The following NET1 variants were observed in gnomAD, a reference collection of about 807,000 sequenced individuals.
NET1 encodes neuroepithelial cell-transforming gene 1 protein.
Under a neutral mutation model 61.1 loss-of-function variants are expected in NET1, and 42 were observed. The observed-to-expected ratio is 0.69, with a 90% CI of 0.54 to 0.89. NET1 has a LOEUF of 0.89. NET1 is among the 40% of genes least tolerant of loss of function. The probability of loss-of-function intolerance (pLI) is 0.00; values close to 1 mark genes in which losing one functional copy is unlikely to be tolerated. For synonymous variants in NET1, 254 were observed against 281.8 expected, an observed-to-expected ratio of 0.90 and a Z score of 0.99; for missense variants, 654 against 747.3, an observed-to-expected ratio of 0.88 and a Z score of 1.46.
chr10:5,427,448 C>T lies in NET1; in HGVS notation c.195+727C>T, dbSNP rs1832275163. On this transcript the variant is annotated intron_variant, in intron 2 of 11. Transcript: ENST00000355029. The surrounding 1 kb of genome is among the most constrained non-coding windows in gnomAD (Gnocchi z 4.1). The stretch of plus-strand genomic sequence containing the variant: ...ACTTCTTCTCCTTCTCCATATTAGT[C>T]CATTCCCAGGCTCTGCTCTAACCAT... Among the ~76,000 whole-genome samples, 1 of 152,124 alleles carries T rather than the reference C, an allele frequency of 6.6e-6. No individual in the cohort carries two copies. The highest frequency in any genetic ancestry group is 1.9e-4 in the East Asian group (1 of 5,202).
At chr10:5,413,144 C>G (rs537141002) in intron 1 of NET1, among the ~76,000 whole-genome samples, 9 of 152,118 alleles carry the variant, frequency 5.9e-5, no homozygotes, top group African/African-American at 1.9e-4. Context: ...GCGATTTTCC[C>G]TGCCTGTGGC....
chr10:5,426,591 T>G lies in NET1; in HGVS notation c.129-64T>G. On this transcript the variant is annotated intron_variant, in intron 1 of 11. Coordinates refer to ENST00000355029, the MANE Select transcript of NET1 (RefSeq NM_001047160.3). This position sits in a 1 kb window ranked among gnomAD's most constrained non-coding sequence, Gnocchi z 4.6. Reference sequence around the variant, plus strand: ...AGTATGAAAAGTATAGCTTTTTATCTGTTTGATGCTCTATTATGCTAAAGT... The same window carrying G: ...AGTATGAAAAGTATAGCTTTTTATCGGTTTGATGCTCTATTATGCTAAAGT... 2 of 1,258,628 alleles carry G rather than the reference T, an allele frequency of 1.6e-6. No homozygotes were observed. Among genetic ancestry groups the G allele is most frequent in the East Asian group, 2.4e-5 (1 of 42,158 alleles). The allele number at this position is 1,258,628 out of a possible 1,614,324, so 78.0% of individuals were successfully genotyped here. A position where few individuals can be genotyped will look rare whatever the true frequency, so the allele number is the denominator to read the frequency against.
Position 5,440,842 on chromosome 10 carries a change from T to C in NET1, c.256-10988T>C, listed in dbSNP as rs568827521. On this transcript the variant is annotated intron_variant, in intron 3 of 11. Coordinates refer to ENST00000355029, the MANE Select transcript of NET1 (RefSeq NM_001047160.3). This position sits in a 1 kb window ranked among gnomAD's most constrained non-coding sequence, Gnocchi z 4.1. ...CTACTCTGTGTCTCATCCCTATTCA[T>C]ACCTGTAGTCCTTATCACCATTTTA... 2.6e-5 allele frequency among the ~76,000 whole-genome samples: 4 copies of C among 152,342 alleles called. No homozygotes were observed. Among genetic ancestry groups the C allele is most frequent in the African/African-American group, 4.8e-5 (2 of 41,582 alleles).
rs866219880 is a variant in NET1 at position 5,440,979 on chromosome 10, G to A, written c.256-10851G>A. Among the ~76,000 whole-genome samples, 1 of 152,152 alleles carries A rather than the reference G, an allele frequency of 6.6e-6. No homozygotes were observed. The highest frequency in any genetic ancestry group is 1.5e-5 in the Non-Finnish European group (1 of 68,030). ...CCCTCCAGAAATCAGAGCCTAAAAC[G>A]AGGACTCATTGACAGGTGTCTTTCT... On this transcript the variant is annotated intron_variant, in intron 3 of 11. Transcript: ENST00000355029. This position sits in a 1 kb window ranked among gnomAD's most constrained non-coding sequence, Gnocchi z 4.1.
Position 5,427,959 on chromosome 10 carries a change from GTTGT to G in NET1, c.196-1208_196-1205del, listed in dbSNP as rs1159306365. Among the ~76,000 whole-genome samples, 3 of 149,444 alleles carry G rather than the reference GTTGT, an allele frequency of 2.0e-5. No homozygotes were observed. The highest frequency in any genetic ancestry group is 4.4e-5 in the Non-Finnish European group (3 of 67,638). ...TTCTGACTTCACAACCCTCCTTCGT[GTTGT>G]TTTTTATGGTAGCTTGCTTTCTGAG... On this transcript the variant is annotated intron_variant, in intron 2 of 11. Coordinates refer to ENST00000355029, the MANE Select transcript of NET1 (RefSeq NM_001047160.3). This position sits in a 1 kb window ranked among gnomAD's most constrained non-coding sequence, Gnocchi z 4.1.
chr10:5,456,491 A>G lies in NET1; in HGVS notation c.1385-97A>G, dbSNP rs1194778544. The G allele has an allele frequency of 2.6e-5, 33 of 1,252,186 alleles. No individual in the cohort carries two copies. Among genetic ancestry groups the G allele is most frequent in the Non-Finnish European group, 3.3e-5 (30 of 905,206 alleles). 77.6% of individuals were successfully genotyped at this position (1,252,186 alleles called of 1,614,324 possible). A position where few individuals can be genotyped will look rare whatever the true frequency, so the allele number is the denominator to read the frequency against. On this transcript the variant is annotated intron_variant, in intron 11 of 11. Transcript: ENST00000355029. This position sits in a 1 kb window ranked among gnomAD's most constrained non-coding sequence, Gnocchi z 7.0. Reference sequence around the variant, plus strand: ...TTCACATTGACATAAATAAATTGCCATAAATTGACAGTCACGTTAAGATTG... The same window carrying G: ...TTCACATTGACATAAATAAATTGCCGTAAATTGACAGTCACGTTAAGATTG...
intron 3 of NET1, among the ~76,000 whole-genome samples, chr10:5,433,695 TTCAGGTCA>T (rs1336737080): frequency 6.6e-6 from 1 of 152,210 alleles, no homozygotes; most frequent in African/African-American, 2.4e-5. Flanking sequence ...AATGTGTAGT[TTCAGGTCA>T]TCTTTTGTTT....
At chr10:5,442,460 C>G (rs1832536081) in intron 3 of NET1, among the ~76,000 whole-genome samples, 1 of 152,174 alleles carries the variant, frequency 6.6e-6, no homozygotes, top group Non-Finnish European at 1.5e-5. Context: ...ACCTAACACT[C>G]CTTTTCTATA....
In NET1 at chr10:5,416,432, A is replaced by C. The variant is rs80057200; in HGVS notation, c.128+3612A>C. ...GAATCAGCTTAATCGATTTTTACAA[A>C]GGAGTCCACAGGGATTCTGATAGAG... On this transcript the variant is annotated intron_variant, in intron 1 of 11. Transcript: ENST00000355029. This position sits in a 1 kb window ranked among gnomAD's most constrained non-coding sequence, Gnocchi z 6.1. Among the ~76,000 whole-genome samples the C allele has an allele frequency of 0.025, 3,776 of 152,314 alleles. 142 individuals carry two copies. The highest frequency in any genetic ancestry group is 0.1 in the East Asian group (528 of 5,186).
Position 5,446,912 on chromosome 10 carries a change from G to A in NET1, c.256-4918G>A, listed in dbSNP as rs916766420. On this transcript the variant is annotated intron_variant, in intron 3 of 11. Transcript: ENST00000355029. The surrounding 1 kb of genome is among the most constrained non-coding windows in gnomAD (Gnocchi z 5.0). ...AAGGAATGTTTTCTAACTCCACGGA[G>A]CTTTTAAAATTTTTAACAAGGTATT... 4.0e-6 allele frequency: 6 copies of A among 1,490,030 alleles called. No homozygotes were observed. Among genetic ancestry groups the A allele is most frequent in the Non-Finnish European group, 5.5e-6 (6 of 1,090,812 alleles). 92.3% of individuals were successfully genotyped at this position (1,490,030 alleles called of 1,614,324 possible).
rs116753196 is a variant in NET1, at chr10:5,449,970, G to C, written c.256-1860G>C. ...GTGAAATGTCGGCATTTCTTACTCT[G>C]TGAGGTAATTCTATCTTCAGTCCAA... On this transcript the variant is annotated intron_variant, in intron 3 of 11. Coordinates refer to ENST00000355029, the MANE Select transcript of NET1 (RefSeq NM_001047160.3). The surrounding 1 kb of genome is among the most constrained non-coding windows in gnomAD (Gnocchi z 4.4). 5.6e-4 allele frequency among the ~76,000 whole-genome samples: 85 copies of C among 152,270 alleles called. No individual in the cohort carries two copies. Among genetic ancestry groups the C allele is most frequent in the African/African-American group, 2.0e-3 (82 of 41,546 alleles).
In NET1 at chr10:5,455,332, C is replaced by T. The variant is rs906731699; in HGVS notation, c.1197+214C>T. Among the ~76,000 whole-genome samples the T allele has an allele frequency of 2.0e-5, 3 of 151,984 alleles. No homozygotes were observed. The highest frequency in any genetic ancestry group is 4.4e-5 in the Non-Finnish European group (3 of 67,976). On this transcript the variant is annotated intron_variant, in intron 10 of 11. Coordinates refer to ENST00000355029, the MANE Select transcript of NET1 (RefSeq NM_001047160.3). This position sits in a 1 kb window ranked among gnomAD's most constrained non-coding sequence, Gnocchi z 6.5. ...TCAGTAATACTTTATTTTTTAGTTT[C>T]GAAGCATAAATCAACTTGTTAGGCC...
chr10:5,454,620 G>T lies in NET1; in HGVS notation c.1026+98G>T. ...GAAGATGCTGATTCACATCAGCATA[G>T]TGAATTGTTTTGTTGTTTTAAGTAC... is the stretch of plus-strand genomic sequence containing the variant. On this transcript the variant is annotated intron_variant, in intron 9 of 11. Transcript: ENST00000355029. This position sits in a 1 kb window ranked among gnomAD's most constrained non-coding sequence, Gnocchi z 8.1. 1 of 1,389,466 alleles carries T rather than the reference G, an allele frequency of 7.2e-7. No homozygotes were observed. The highest frequency in any genetic ancestry group is 9.8e-7 in the Non-Finnish European group (1 of 1,020,996). The allele number at this position is 1,389,466 out of a possible 1,614,324, so 86.1% of individuals were successfully genotyped here.
chr10:5,443,347 G>A lies in NET1; in HGVS notation c.256-8483G>A, dbSNP rs1230405128. Among the ~76,000 whole-genome samples, 3 of 152,190 alleles carry A rather than the reference G, an allele frequency of 2.0e-5. No individual in the cohort carries two copies. The highest frequency in any genetic ancestry group is 4.4e-5 in the Non-Finnish European group (3 of 68,034). The stretch of plus-strand genomic sequence containing the variant: ...TTCATAGAGTTGATTAAGATAACAT[G>A]TATAAAGCTCTAGCACAAAGTAATT... On this transcript the variant is annotated intron_variant, in intron 3 of 11. Coordinates refer to ENST00000355029, the MANE Select transcript of NET1 (RefSeq NM_001047160.3). The surrounding 1 kb of genome is among the most constrained non-coding windows in gnomAD (Gnocchi z 4.8).
chr10:5,448,969 A>T (rs12570751), intron 3 of NET1, among the ~76,000 whole-genome samples: 41,065 of 151,998 alleles, frequency 0.27, 5,720 homozygotes, highest in Non-Finnish European at 0.29. Flanking sequence ...AAGATAGTTC[A>T]TGTGGACCTC....
rs756832491 is a variant in NET1, at chr10:5,452,377, A to T, written c.383A>T (p.Asp128Val). ...QTIQSFTLRG[D>V]HRSPASAQKF... The stretch of plus-strand genomic sequence containing the variant: ...TTTAAGTCATTTACCCTTCGTGGTG[A>T]CCACAGATCCCCAGCCTCTGCCCAG... Residue 128 changes from aspartate to valine, a missense_variant, in exon 5 of 12, where the codon GAC becomes GTC. Coordinates refer to ENST00000355029, the MANE Select transcript of NET1 (RefSeq NM_001047160.3). The surrounding 1 kb of genome is among the most constrained non-coding windows in gnomAD (Gnocchi z 4.0). 2.4e-5 allele frequency: 38 copies of T among 1,609,796 alleles called. No homozygotes were observed. In the South Asian group the frequency reaches 4.1e-4, roughly 17 times the overall value.
In NET1 at chr10:5,452,912, G is replaced by T; in HGVS notation, c.586G>T (p.Ala196Ser). 1 of 1,608,644 alleles carries T rather than the reference G, an allele frequency of 6.2e-7. No individual in the cohort carries two copies. Among genetic ancestry groups the T allele is most frequent in the South Asian group, 1.1e-5 (1 of 90,778 alleles). ...EQDLIEDLKL[A>S]RKAYHDPMLK... ...GGATTTAATTGAGGATCTCAAACTT[G>T]CAAGAAAGGTCAGTAAATAACTTTT... is the stretch of plus-strand genomic sequence containing the variant. Residue 196 changes from alanine (A) to serine (S), a missense_variant, in exon 6 of 12, where the codon GCA (alanine) becomes TCA (serine). By Grantham distance (99) the Ala-to-Ser change is moderately conservative. Coordinates refer to ENST00000355029, the MANE Select transcript of NET1 (RefSeq NM_001047160.3). The surrounding 1 kb of genome is among the most constrained non-coding windows in gnomAD (Gnocchi z 4.0).
rs749433117 is a variant in NET1 at position 5,453,279 on chromosome 10, C to T, written c.624C>T (p.Ser208=). Reference sequence around the variant, plus strand: ...ATCATGACCCCATGTTAAAGTTGTCCATCATGTCAGAAGAGGAACTCACAC... The same window carrying T: ...ATCATGACCCCATGTTAAAGTTGTCTATCATGTCAGAAGAGGAACTCACAC... ...KAYHDPMLKL[S]IMSEEELTHI... Residue 208 remains serine, a synonymous_variant, in exon 7 of 12, where the codon TCC becomes TCT. Transcript: ENST00000355029. This position sits in a 1 kb window ranked among gnomAD's most constrained non-coding sequence, Gnocchi z 4.9. 2 of 1,611,470 alleles carry T rather than the reference C, an allele frequency of 1.2e-6. No homozygotes were observed. Among genetic ancestry groups the T allele is most frequent in the Non-Finnish European group, 1.7e-6 (2 of 1,177,666 alleles).
At position 5,454,545 on chromosome 10, in the gene NET1, G is replaced by A; in HGVS notation, c.1026+23G>A. 1 of 1,594,398 alleles carries A rather than the reference G, an allele frequency of 6.3e-7. No individual in the cohort carries two copies. Among genetic ancestry groups the A allele is most frequent in the South Asian group, 1.1e-5 (1 of 87,524 alleles). On this transcript the variant is annotated intron_variant, in intron 9 of 11. Coordinates refer to ENST00000355029, the MANE Select transcript of NET1 (RefSeq NM_001047160.3). The surrounding 1 kb of genome is among the most constrained non-coding windows in gnomAD (Gnocchi z 8.1). ...GCTGTAAGTAGTCCCTTAAGTGATT[G>A]TTTTGTTTTTTAAGTTTATACATTA...
Sources: allele counts gnomAD v4.1 joint callset (sites outside exome capture counted in the v4.1 genomes callset), GRCh38; gene constraint gnomAD v4.1.1; non-coding constraint Gnocchi (gnomAD v3.1); transcripts MANE v1.5; gene names NCBI Gene and HGNC (gene_info 2026-07-23, HGNC 2026-07-21).